Variants in ALPK1 observed in about 807,000 individuals in gnomAD.
ALPK1 encodes the protein alpha-protein kinase 1.
ALPK1 carries 110 observed loss-of-function variants against 120.6 expected under a neutral mutation model. That is an observed-to-expected ratio of 0.91 (90% CI 0.78 to 1.07). The LOEUF (loss-of-function observed/expected upper bound fraction) is 1.07, where lower values mean the gene tolerates loss of function less well. Ranked by LOEUF, ALPK1 falls within the 50% of genes least tolerant of loss-of-function variation. The probability of loss-of-function intolerance (pLI) is 0.00; values close to 1 mark genes in which losing one functional copy is unlikely to be tolerated. For synonymous variants in ALPK1, 582 were observed against 560.3 expected (o/e 1.04, Z -0.55); for missense variants, 1,498 against 1,483.9 (o/e 1.01, Z -0.16).
intron 2 of ALPK1, among the ~76,000 whole-genome samples, chr4:112,360,104 C>T (rs1026584523): frequency 6.6e-6 from 1 of 152,114 alleles, no homozygotes; most frequent in Non-Finnish European, 1.5e-5. Context: ...CTTCTAGTAA[C>T]CCCCATACTG....
intron 2 of ALPK1, among the ~76,000 whole-genome samples, chr4:112,321,603 C>T (rs969863497): frequency 2.0e-5 from 3 of 152,106 alleles, no homozygotes; most frequent in Admixed American, 2.0e-4. Context: ...TATTGTTGAC[C>T]CAACAATCAT....
chr4:112,365,990 A>G (rs989253149), intron 2 of ALPK1, among the ~76,000 whole-genome samples: 3 of 152,218 alleles, frequency 2.0e-5, no homozygotes, highest in Non-Finnish European at 4.4e-5. Flanking sequence ...GTGCTGGGAT[A>G]ATTGGCAAGC....
chr4:112,437,850 A>G (rs1278531111), intron 12 of ALPK1, among the ~76,000 whole-genome samples: 4 of 152,196 alleles, frequency 2.6e-5, no homozygotes, highest in Non-Finnish European at 5.9e-5. Flanking sequence ...TTACTCACAA[A>G]TTCACACCAG....
intron 2 of ALPK1, among the ~76,000 whole-genome samples, chr4:112,374,145 G>A (rs1207101477): frequency 2.0e-5 from 3 of 152,192 alleles, no homozygotes; most frequent in African/African-American, 7.2e-5. Context: ...CAAAATTGCA[G>A]TCGGTCCTCT....
At chr4:112,408,771 G>GC (rs1314036550) in intron 4 of ALPK1, among the ~76,000 whole-genome samples, 1 of 152,160 alleles carries the variant, frequency 6.6e-6, no homozygotes, top group Non-Finnish European at 1.5e-5. Flanking sequence ...ACTGCGCTCA[G>GC]CCAACAGACT....
intron 2 of ALPK1, among the ~76,000 whole-genome samples, chr4:112,347,563 T>C (rs1297398879): frequency 6.6e-6 from 1 of 152,230 alleles, no homozygotes; most frequent in African/African-American, 2.4e-5. Flanking sequence ...TGGGTCAGAA[T>C]GTTGCTTTGG....
chr4:112,416,336 C>T (rs534127781), intron 5 of ALPK1, among the ~76,000 whole-genome samples: 14 of 152,072 alleles, frequency 9.2e-5, no homozygotes, highest in African/African-American at 3.1e-4. Context: ...ACTGACCTAC[C>T]GGAAATGTAC....
chr4:112,402,523 G>T (rs1732965224), intron 4 of ALPK1, among the ~76,000 whole-genome samples: 1 of 152,142 alleles, frequency 6.6e-6, no homozygotes, highest in African/African-American at 2.4e-5. Context: ...ACCTGACTCA[G>T]CTTCCTAGCC....
At chr4:112,388,582 G>A (rs989728672) in intron 4 of ALPK1, among the ~76,000 whole-genome samples, 1 of 151,100 alleles carries the variant, frequency 6.6e-6, no homozygotes, top group Non-Finnish European at 1.5e-5. Context: ...CATCTTATAT[G>A]CTTTGGGGCT....
intron 2 of ALPK1, among the ~76,000 whole-genome samples, chr4:112,366,200 A>T (rs1731143677): frequency 6.6e-6 from 1 of 152,222 alleles, no homozygotes; most frequent in African/African-American, 2.4e-5. Context: ...AAAAACAAAG[A>T]TAAATAAATG....
chr4:112,427,387 T>TATTTTTAAAAATAGTATTTTTAAAAATTG (rs917760604), intron 8 of ALPK1, among the ~76,000 whole-genome samples, 183 bp from the exon 9 acceptor site: 4,153 of 37,532 alleles, frequency 0.11, 87 homozygotes, highest in East Asian at 0.37. Context: ...TTAAAAATAG[T>TATTTTTAAAAATAGTATTTTTAAAAATTG]ATTTTTAAAA....
At chr4:112,395,184 G>A (rs1373252899) in intron 4 of ALPK1, among the ~76,000 whole-genome samples, 2 of 152,152 alleles carry the variant, frequency 1.3e-5, no homozygotes, top group African/African-American at 4.8e-5. Context: ...TATTGCAGAT[G>A]AGATGATTGG....
intron 1 of ALPK1, among the ~76,000 whole-genome samples, chr4:112,313,482 G>C (rs1728503873): frequency 2.6e-5 from 4 of 152,194 alleles, no homozygotes; most frequent in Admixed American, 2.6e-4. Context: ...CAACAGTTTG[G>C]GAGGCCGGGG....
In ALPK1 at chr4:112,357,254, C is replaced by G. The variant is rs1279464393; in HGVS notation, c.-100-20424C>G. The G allele has an allele frequency of 8.5e-6, 12 of 1,410,588 alleles. No individual in the cohort carries two copies. In the African/African-American group the frequency reaches 1.1e-4, roughly 13 times the overall value. The allele number at this position is 1,410,588 out of a possible 1,614,324, so 87.4% of individuals were successfully genotyped here. ...CTCACTGGACCAGATCATCCAGCATCTGGCAGGACGTGCTGGGGTGTTCGC... is the reference window on the plus strand; with the variant it reads ...CTCACTGGACCAGATCATCCAGCATGTGGCAGGACGTGCTGGGGTGTTCGC... On this transcript the variant is annotated intron_variant, in intron 2 of 15. Transcript: ENST00000650871.
At chr4:112,440,769 A>G (rs567446975) in intron 14 of ALPK1, 148 bp from the exon 15 acceptor site, 2 of 1,308,120 alleles carry the variant, frequency 1.5e-6, no homozygotes, top group Non-Finnish European at 2.0e-6. Context: ...GAATTTACTA[A>G]CTATAAACCA....
intron 2 of ALPK1, among the ~76,000 whole-genome samples, chr4:112,367,637 G>A (rs560093712): frequency 1.3e-4 from 20 of 152,158 alleles, no homozygotes; most frequent in Non-Finnish European, 2.4e-4. Context: ...CCATTCTCCC[G>A]TGGATACAGA....
chr4:112,299,212 CAAACTT>C (rs1279866527), intron 1 of ALPK1, among the ~76,000 whole-genome samples: 1 of 151,934 alleles, frequency 6.6e-6, no homozygotes, highest in Non-Finnish European at 1.5e-5. Flanking sequence ...GTGGGATAGA[CAAACTT>C]AAAAGAAAGA....
At chr4:112,328,166 A>G (rs1300716750) in intron 2 of ALPK1, among the ~76,000 whole-genome samples, 1 of 152,246 alleles carries the variant, frequency 6.6e-6, no homozygotes, top group Non-Finnish European at 1.5e-5. Context: ...AGTTCTCTTT[A>G]TGACCACAGG....
At chr4:112,382,289 C>CTTTTTTT (rs34345428) in intron 3 of ALPK1, 109 bp from the exon 4 acceptor site, 18 of 671,422 alleles carry the variant, frequency 2.7e-5, no homozygotes, top group African/African-American at 1.3e-4. Flanking sequence ...AGGTTTTTCT[C>CTTTTTTT]TTTTTTTTTT....
Sources: allele counts gnomAD v4.1 joint callset (sites outside exome capture counted in the v4.1 genomes callset), GRCh38; gene constraint gnomAD v4.1.1; transcripts MANE v1.5; gene names NCBI Gene and HGNC (gene_info 2026-07-23, HGNC 2026-07-21).